Variants in B3GALT1 observed in about 807,000 individuals in gnomAD.
B3GALT1 encodes UDP-Gal:betaGlcNAc beta 1,3-galactosyltransferase, polypeptide 1.
Under a neutral mutation model 23.2 loss-of-function variants are expected in B3GALT1, and 10 were observed. That is an observed-to-expected ratio of 0.43 (90% CI 0.27 to 0.73). The LOEUF (loss-of-function observed/expected upper bound fraction) is 0.73, where lower values mean the gene tolerates loss of function less well. Ranked by LOEUF, B3GALT1 falls within the 30% of genes least tolerant of loss-of-function variation. The probability of loss-of-function intolerance (pLI) is 0.21; values close to 1 mark genes in which losing one functional copy is unlikely to be tolerated. For missense variants in B3GALT1, 299 were observed against 405.4 expected (o/e 0.74, Z 2.25); for synonymous variants, 156 against 141.5 (o/e 1.10, Z -0.73).
intron 1 of B3GALT1, among the ~76,000 whole-genome samples, chr2:167,417,863 T>C (rs1191279236): frequency 6.6e-6 from 1 of 152,208 alleles, no homozygotes. Flanking sequence ...ATAATCAGCA[T>C]TGATGAGCAG....
chr2:167,703,996 A>G (rs556390497), intron 3 of B3GALT1, among the ~76,000 whole-genome samples: 17 of 152,050 alleles, frequency 1.1e-4, no homozygotes, highest in South Asian at 6.2e-4. Flanking sequence ...CCTGGCTAAC[A>G]CGGTGAAACC....
At chr2:167,536,158 C>T (rs952588836) in intron 2 of B3GALT1, among the ~76,000 whole-genome samples, 4 of 152,102 alleles carry the variant, frequency 2.6e-5, no homozygotes, top group Admixed American at 2.0e-4. Context: ...CCACCTGCGT[C>T]GGCCTCCCAA....
At chr2:167,651,808 A>G (rs1685875053) in intron 3 of B3GALT1, among the ~76,000 whole-genome samples, 1 of 152,140 alleles carries the variant, frequency 6.6e-6, no homozygotes, top group African/African-American at 2.4e-5. Flanking sequence ...GTAATTCAGC[A>G]ACGACCCTAG....
intron 3 of B3GALT1, among the ~76,000 whole-genome samples, chr2:167,695,314 T>C (rs1686775720): frequency 6.6e-6 from 1 of 152,120 alleles, no homozygotes; most frequent in African/African-American, 2.4e-5. Context: ...TACTAATCAT[T>C]CCCCAAGTGA....
Position 167,739,154 on chromosome 2 carries a change from A to G in B3GALT1, c.-351-79518A>G, listed in dbSNP as rs1173382380. ...TTGTGTAATGAAAAATAAATTGGCT[A>G]TCATTCTAAGGTGCACCCTGTTGAA... On this transcript the variant is annotated intron_variant, in intron 3 of 4. Transcript: ENST00000392690. Among the ~76,000 whole-genome samples, 8 of 152,308 alleles carry G rather than the reference A, an allele frequency of 5.3e-5. No homozygotes were observed. The South Asian group carries it at 1.5e-3, about 28-fold the overall frequency.
intron 4 of B3GALT1, among the ~76,000 whole-genome samples, chr2:167,840,339 A>T (rs1204188200): frequency 3.7e-4 from 57 of 152,182 alleles, no homozygotes; most frequent in African/African-American, 1.1e-3. Context: ...ACAAGAAAAA[A>T]ACAACCCCAT....
chr2:167,599,026 C>G (rs574590904), intron 2 of B3GALT1, among the ~76,000 whole-genome samples: 1 of 152,160 alleles, frequency 6.6e-6, no homozygotes, highest in South Asian at 2.1e-4. Context: ...GAGAGATCAT[C>G]TGGTCCAAAC....
chr2:167,839,187 T>G (rs375883518), intron 4 of B3GALT1, among the ~76,000 whole-genome samples: 34 of 150,414 alleles, frequency 2.3e-4, no homozygotes, highest in South Asian at 1.9e-3. Flanking sequence ...GGGCAATTAG[T>G]CAGGAGAAGG....
intron 2 of B3GALT1, among the ~76,000 whole-genome samples, chr2:167,595,572 A>G (rs1684761790): frequency 6.6e-6 from 1 of 152,202 alleles, no homozygotes; most frequent in African/African-American, 2.4e-5. Flanking sequence ...ATGGAGAATC[A>G]CTGAATCCCA....
intron 3 of B3GALT1, among the ~76,000 whole-genome samples, chr2:167,811,574 A>C (rs1226009154): frequency 6.6e-6 from 1 of 152,104 alleles, no homozygotes; most frequent in Non-Finnish European, 1.5e-5. Flanking sequence ...AACTTCAACA[A>C]ATCTCCTTGA....
chr2:167,667,738 C>T (rs536879862), intron 3 of B3GALT1, among the ~76,000 whole-genome samples: 9 of 152,290 alleles, frequency 5.9e-5, no homozygotes, highest in African/African-American at 1.4e-4. Flanking sequence ...TCCAGTTGAT[C>T]GCATCGGCTG....
At chr2:167,831,860 A>G (rs899016680) in intron 4 of B3GALT1, among the ~76,000 whole-genome samples, 1 of 152,224 alleles carries the variant, frequency 6.6e-6, no homozygotes, top group African/African-American at 2.4e-5. Context: ...ATAATGACTC[A>G]AAAGATAGTG....
At chr2:167,547,331 A>G (rs1683655584) in intron 2 of B3GALT1, among the ~76,000 whole-genome samples, 1 of 152,210 alleles carries the variant, frequency 6.6e-6, no homozygotes, top group Non-Finnish European at 1.5e-5. Flanking sequence ...GGGTTACATT[A>G]TCTTCTTGGG....
chr2:167,680,857 A>G (rs1316915215), intron 3 of B3GALT1, among the ~76,000 whole-genome samples: 2 of 152,240 alleles, frequency 1.3e-5, no homozygotes, highest in South Asian at 2.1e-4. Context: ...AAATAAAATG[A>G]CATGCAATGT....
intron 3 of B3GALT1, among the ~76,000 whole-genome samples, chr2:167,658,000 C>T (rs939147628): frequency 2.0e-5 from 3 of 151,490 alleles, no homozygotes; most frequent in African/African-American, 7.3e-5. Context: ...TCATTCCCAC[C>T]AACATAAAAG....
chr2:167,471,146 T>G (rs1421748426), intron 1 of B3GALT1, among the ~76,000 whole-genome samples: 1 of 152,206 alleles, frequency 6.6e-6, no homozygotes, highest in African/African-American at 2.4e-5. Context: ...CCTTTTCTTC[T>G]TTAGGTTTGT....
At chr2:167,340,769 ATT>A (rs1697135473) in intron 1 of B3GALT1, among the ~76,000 whole-genome samples, 1 of 152,218 alleles carries the variant, frequency 6.6e-6, no homozygotes, top group African/African-American at 2.4e-5. Flanking sequence ...ACCATTTCAT[ATT>A]TTAAATTCAC....
chr2:167,788,696 C>A (rs531195808), intron 3 of B3GALT1, among the ~76,000 whole-genome samples: 2 of 152,028 alleles, frequency 1.3e-5, no homozygotes, highest in Non-Finnish European at 2.9e-5. Context: ...CAGACCGGTA[C>A]CAGTCTGTGG....
intron 3 of B3GALT1, among the ~76,000 whole-genome samples, chr2:167,670,657 A>G (rs2105483104): frequency 6.6e-6 from 1 of 152,336 alleles, no homozygotes; most frequent in Non-Finnish European, 1.5e-5. Flanking sequence ...AACTCAATGA[A>G]ATAGGGAAAA....
Sources: allele counts gnomAD v4.1 joint callset (sites outside exome capture counted in the v4.1 genomes callset), GRCh38; gene constraint gnomAD v4.1.1; transcripts MANE v1.5; gene names NCBI Gene and HGNC (gene_info 2026-07-23, HGNC 2026-07-21).